The following CRISPLD1 variants were observed in gnomAD, a reference collection of about 807,000 sequenced individuals.
CRISPLD1 encodes the protein cysteine rich secretory protein LCCL domain containing 1, also known as cysteine-rich secretory protein LCCL domain-containing 1.
A neutral mutation model predicts 77.5 loss-of-function variants in CRISPLD1; 60 were observed. The ratio of observed to expected loss-of-function variants is 0.77; its 90% CI spans 0.63 to 0.96. CRISPLD1 has a LOEUF of 0.96. CRISPLD1 is among the 40% of genes least tolerant of loss of function. CRISPLD1 has a pLI of 0.00. For missense variants in CRISPLD1, 623 were observed against 615.8 expected, an observed-to-expected ratio of 1.01 and a Z score of -0.12; for synonymous variants, 195 against 200.1, an observed-to-expected ratio of 0.97 and a Z score of 0.22.
chr8:75,022,963 A>G (rs994750795), intron 12 of CRISPLD1, among the ~76,000 whole-genome samples: 4 of 152,054 alleles, frequency 2.6e-5, no homozygotes, highest in African/African-American at 9.7e-5. Context: ...CCAGTTTTAC[A>G]TATACCTACA....
At chr8:75,029,611 T>A (rs1328105707) in intron 14 of CRISPLD1, 94 bp downstream of exon 14, 36 of 1,357,048 alleles carry the variant, frequency 2.7e-5, no homozygotes, top group Non-Finnish European at 3.6e-5. Flanking sequence ...TATTTTTAAT[T>A]TTTTTCAAAG....
intron 2 of CRISPLD1, among the ~76,000 whole-genome samples, chr8:74,992,364 A>T (rs1432529580): frequency 6.6e-6 from 1 of 152,206 alleles, no homozygotes; most frequent in East Asian, 1.9e-4. Context: ...TAGAGCTACT[A>T]AACTATTAGT....
rs1812999557 is a variant in CRISPLD1, at chr8:75,014,817, A to T, written c.632A>T (p.Asn211Ile). 1 of 1,599,868 alleles carries T rather than the reference A, an allele frequency of 6.3e-7. No homozygotes were observed. Among genetic ancestry groups the T allele is most frequent in the Non-Finnish European group, 8.5e-7 (1 of 1,174,012 alleles). The change falls in exon 6 of 15, where the codon AAC becomes ATC. Residue 211 changes from asparagine (N) to isoleucine (I), a missense_variant. Physicochemically the swap from Asn to Ile is moderately radical, Grantham distance 149 (BLOSUM62 -3). Transcript: ENST00000262207. ...GAGCGTATCATCTCTTAAAGGGGAA[A>T]CTGGTGGGGCCATGCCCCTTACAAA... ...YLVCNYSPKGNWWGHAPYKHG... is the reference protein window; with the variant it reads ...YLVCNYSPKGIWWGHAPYKHG...
At chr8:75,030,678 A>G (rs1813319303) in intron 14 of CRISPLD1, among the ~76,000 whole-genome samples, 1 of 137,394 alleles carries the variant, frequency 7.3e-6, no homozygotes, top group Non-Finnish European at 1.6e-5. Flanking sequence ...ACCCGGAGAT[A>G]TATGTGTGTG....
intron 2 of CRISPLD1, among the ~76,000 whole-genome samples, chr8:75,011,287 C>T (rs1279628630): frequency 1.5e-5 from 2 of 131,078 alleles, no homozygotes; most frequent in South Asian, 5.8e-4. Context: ...CCCCCCACCC[C>T]ACAACAGTCC....
At chr8:75,019,220 C>T (rs1289832913) in intron 10 of CRISPLD1, among the ~76,000 whole-genome samples, 1 of 152,126 alleles carries the variant, frequency 6.6e-6, no homozygotes. Flanking sequence ...AAACTTTACA[C>T]CTTCAGTTCT....
chr8:75,002,489 T>TA (rs57220970), intron 2 of CRISPLD1, among the ~76,000 whole-genome samples: 25,962 of 143,530 alleles, frequency 0.18, 2,630 homozygotes, highest in African/African-American at 0.29. Flanking sequence ...GGTTCAACAG[T>TA]AAAAAAAAAA....
At chr8:74,989,389 C>T (rs181620348) in intron 2 of CRISPLD1, among the ~76,000 whole-genome samples, 64 of 152,226 alleles carry the variant, frequency 4.2e-4, no homozygotes, top group African/African-American at 4.1e-4. Flanking sequence ...GGAAAAAATA[C>T]GGCTTTGGAT....
chr8:75,027,073 C>T (rs1035853624), intron 13 of CRISPLD1: 2 of 152,114 alleles, frequency 1.3e-5, no homozygotes, highest in African/African-American at 4.8e-5. Flanking sequence ...TTATTTCAAC[C>T]CCTATAACTT....
intron 12 of CRISPLD1, among the ~76,000 whole-genome samples, chr8:75,022,027 C>T (rs1391542976): frequency 6.6e-6 from 1 of 152,012 alleles, no homozygotes; most frequent in Non-Finnish European, 1.5e-5. Context: ...CAAACTATAT[C>T]AATATTATTA....
chr8:74,985,993 G>A lies in CRISPLD1; in HGVS notation c.6G>A (p.Lys2=). ...AAATCCTGAGGTCATTCATTATGAA[G>A]TGTACCGCGCGGGAGTGGCTCAGAG... M[K]CTAREWLRVT... is the part of the protein sequence containing the mutation. The change falls in exon 2 of 15, where the codon AAG becomes AAA. Residue 2 remains lysine (K), a synonymous_variant. Coordinates refer to ENST00000262207, the MANE Select transcript of CRISPLD1 (RefSeq NM_031461.6). 6.2e-7 allele frequency: 1 copy of A among 1,613,238 alleles called. No homozygotes were observed. The highest frequency in any genetic ancestry group is 8.5e-7 in the Non-Finnish European group (1 of 1,179,302).
chr8:75,027,849 C>T (rs1813259772), intron 13 of CRISPLD1, among the ~76,000 whole-genome samples: 2 of 152,048 alleles, frequency 1.3e-5, no homozygotes, highest in Admixed American at 1.3e-4. Flanking sequence ...TTTCTGCATT[C>T]ATTAAAAAAA....
intron 2 of CRISPLD1, among the ~76,000 whole-genome samples, chr8:74,988,262 A>G (rs1812524533): frequency 1.3e-5 from 2 of 152,232 alleles, no homozygotes; most frequent in Non-Finnish European, 2.9e-5. Flanking sequence ...TCAAATCGTT[A>G]TTTAAAATGT....
rs141389784 is a variant in CRISPLD1 at position 75,014,019 on chromosome 8, T to G, written c.543T>G (p.Cys181Trp). The stretch of plus-strand genomic sequence containing the variant: ...GGGCAACTAGTAACAGAATCGGTTG[T>G]GCCATTAATTTGTGTCATAACATGA... ...VVWATSNRIG[C>W]AINLCHNMNI... is the part of the protein sequence containing the mutation. Residue 181 changes from cysteine (C) to tryptophan (W), a missense_variant, in exon 5 of 15, where the codon TGT (cysteine) becomes TGG (tryptophan). Coordinates refer to ENST00000262207, the MANE Select transcript of CRISPLD1 (RefSeq NM_031461.6). 5.3e-5 allele frequency: 86 copies of G among 1,613,092 alleles called. No individual in the cohort carries two copies. Among genetic ancestry groups the G allele is most frequent in the Non-Finnish European group, 4.3e-5 (51 of 1,179,426 alleles).
intron 2 of CRISPLD1, among the ~76,000 whole-genome samples, chr8:74,989,507 A>G (rs774261967): frequency 6.6e-6 from 1 of 151,778 alleles, no homozygotes; most frequent in Non-Finnish European, 1.5e-5. Context: ...AAATGAAAGA[A>G]TATAAACCTT....
rs1380536079 is a variant in CRISPLD1 at position 75,033,584 on chromosome 8, T to G, written c.*1342T>G. 3 of 151,928 alleles carry G rather than the reference T, an allele frequency of 2.0e-5. No individual in the cohort carries two copies. The highest frequency in any genetic ancestry group is 4.4e-5 in the Non-Finnish European group (3 of 67,860). 9.4% of individuals were successfully genotyped at this position (151,928 alleles called of 1,614,324 possible). ...AAGATACAAAGTGATTATAAAAGAA[T>G]TGACAGGACAATAAATACTTCAAAT... is the stretch of plus-strand genomic sequence containing the variant. On this transcript the variant is annotated 3_prime_UTR_variant, in exon 15 of 15. Coordinates refer to ENST00000262207, the MANE Select transcript of CRISPLD1 (RefSeq NM_031461.6).
chr8:75,024,717 T>C (rs552999246), intron 12 of CRISPLD1, among the ~76,000 whole-genome samples: 34 of 152,122 alleles, frequency 2.2e-4, no homozygotes, highest in Non-Finnish European at 2.9e-4. Context: ...GAAGAGCCTA[T>C]TGCAGTAAGT....
rs757349270 is a variant in CRISPLD1 at position 75,029,441 on chromosome 8, G to A, written c.1375G>A (p.Gly459Ser). 1.1e-5 allele frequency: 18 copies of A among 1,613,606 alleles called. No homozygotes were observed. In the South Asian group the frequency reaches 1.9e-4, roughly 17 times the overall value. ...TGCTGGAGTGGTTCGAAATCACGGTGGTTATGTTGATGTAATGCCTGTGGA... is the reference window on the plus strand; with the variant it reads ...TGCTGGAGTGGTTCGAAATCACGGTAGTTATGTTGATGTAATGCCTGTGGA... ...VHAGVVRNHG[G>S]YVDVMPVDKR... Residue 459 changes from glycine to serine, a missense_variant, in exon 14 of 15, where the codon GGT becomes AGT. Transcript: ENST00000262207.
At position 74,994,225 on chromosome 8, in the gene CRISPLD1, C is replaced by T. The variant is rs994061586; in HGVS notation, c.258+7980C>T. Among the ~76,000 whole-genome samples the T allele has an allele frequency of 5.3e-5, 8 of 152,068 alleles. No individual in the cohort carries two copies. In the South Asian group the frequency reaches 1.2e-3, roughly 24 times the overall value. ...GTGGCTAGGAGTGGGGTGGCAGCCA[C>T]GAAGGTAGTAAGAAATGGAAAGAGT... On this transcript the variant is annotated intron_variant, in intron 2 of 14. Coordinates refer to ENST00000262207, the MANE Select transcript of CRISPLD1 (RefSeq NM_031461.6).
Sources: gnomAD v4.1 joint callset for allele counts (sites outside exome capture counted in the v4.1 genomes callset) on GRCh38, gnomAD v4.1.1 for gene constraint, MANE v1.5 for transcripts, NCBI Gene and HGNC (gene_info 2026-07-23, HGNC 2026-07-21) for gene names.